The following RAPGEF5 variants were observed in gnomAD, a reference collection of about 807,000 sequenced individuals.
RAPGEF5 encodes Rap guanine nucleotide exchange factor 5, also known as M-Ras-regulated GEF.
RAPGEF5 carries 65 observed loss-of-function variants against 125.2 expected under a neutral mutation model. The ratio of observed to expected loss-of-function variants is 0.52; its 90% CI spans 0.43 to 0.64. RAPGEF5 has a LOEUF of 0.64. RAPGEF5 is among the 30% of genes least tolerant of loss of function. RAPGEF5 has a pLI of 0.00. For synonymous variants in RAPGEF5, 391 were observed against 385.9 expected (o/e 1.01, Z -0.16); for missense variants, 958 against 1,048.1 (o/e 0.91, Z 1.19).
chr7:22,278,621 T>C (rs1039040315), intron 6 of RAPGEF5, among the ~76,000 whole-genome samples: 8 of 151,784 alleles, frequency 5.3e-5, no homozygotes, highest in African/African-American at 1.9e-4. Flanking sequence ...ATTTACCATA[T>C]TATTTTATCT....
At chr7:22,192,833 G>A (rs1330841129) in intron 11 of RAPGEF5, 1 of 157,640 alleles carries the variant, frequency 6.3e-6, no homozygotes, top group Admixed American at 6.1e-5. Context: ...GCTCTGAAAA[G>A]CTGTGAGTAT....
intron 14 of RAPGEF5, among the ~76,000 whole-genome samples, 173 bp from the exon 15 acceptor site, chr7:22,158,058 A>G (rs1370450788): frequency 6.6e-6 from 1 of 152,226 alleles, no homozygotes. Context: ...TGGGCTCTGA[A>G]TTTCAAATGA....
At chr7:22,231,544 TA>T in intron 7 of RAPGEF5, among the ~76,000 whole-genome samples, 1 of 152,150 alleles carries the variant, frequency 6.6e-6, no homozygotes. Flanking sequence ...TCAAAAAATA[TA>T]AAAACAAGTG....
At chr7:22,144,749 C>T (rs1402766785) in intron 20 of RAPGEF5, among the ~76,000 whole-genome samples, 1 of 152,172 alleles carries the variant, frequency 6.6e-6, no homozygotes, top group Non-Finnish European at 1.5e-5. Context: ...GTAGCTCACC[C>T]AGACACACTG....
chr7:22,160,415 C>T, intron 14 of RAPGEF5, 103 bp downstream of exon 14: 1 of 1,115,238 alleles, frequency 9.0e-7, no homozygotes, highest in Non-Finnish European at 1.3e-6. Flanking sequence ...GAATCTGAGT[C>T]AAAATGTTCA....
In RAPGEF5 at chr7:22,308,500, C is replaced by T. The variant is rs111265651; in HGVS notation, c.519G>A (p.Gln173=). ...CATAAGTATCTTGAAAGTATAGATG[C>T]TGGTCCACTGTTTGAAACAAAAAAT... ...LDMGIMLSVD[Q]HLYFQDTYVF... Residue 173 remains glutamine, a synonymous_variant, in exon 5 of 26, where the codon CAG becomes CAA. Transcript: ENST00000665637. The T allele has an allele frequency of 2.1e-3, 3,223 of 1,538,548 alleles. 53 individuals are homozygous for T. The African/African-American group carries it at 0.037, about 18-fold the overall frequency.
intron 9 of RAPGEF5, among the ~76,000 whole-genome samples, chr7:22,217,582 G>C (rs747168790): frequency 1.3e-5 from 2 of 152,154 alleles, no homozygotes; most frequent in Non-Finnish European, 2.9e-5. Flanking sequence ...TCAGCCTTGA[G>C]AGTTGAAAGA....
At chr7:22,276,302 T>C (rs1323764145) in intron 6 of RAPGEF5, among the ~76,000 whole-genome samples, 1 of 152,230 alleles carries the variant, frequency 6.6e-6, no homozygotes, top group East Asian at 1.9e-4. Context: ...ATAGTTTATT[T>C]AACAAAGCAT....
chr7:22,316,480 TATA>T (rs1416553482), intron 2 of RAPGEF5, among the ~76,000 whole-genome samples: 18 of 50,242 alleles, frequency 3.6e-4, no homozygotes, highest in South Asian at 1.5e-3. Flanking sequence ...TATATATATA[TATA>T]TATATATTTT....
At position 22,308,480 on chromosome 7, in the gene RAPGEF5, G is replaced by A. The variant is rs1783395475; in HGVS notation, c.539C>T (p.Thr180Ile). ...AGAGGAAAACTGGTAGAAAACATAA[G>A]TATCTTGAAAGTATAGATGCTGGTC... The part of the protein sequence containing the change: ...SVDQHLYFQD[T>I]YVFYQFSSDE... Residue 180 changes from threonine (T) to isoleucine (I), a missense_variant, in exon 5 of 26, where the codon ACT (threonine) becomes ATT (isoleucine). By Grantham distance (89) the Thr-to-Ile change is moderately conservative. Transcript: ENST00000665637. 1.9e-6 allele frequency: 3 copies of A among 1,563,206 alleles called. No individual in the cohort carries two copies. The highest frequency in any genetic ancestry group is 1.2e-5 in the South Asian group (1 of 84,412).
intron 9 of RAPGEF5, among the ~76,000 whole-genome samples, chr7:22,199,324 C>G (rs185073136): frequency 6.6e-6 from 1 of 152,092 alleles, no homozygotes; most frequent in Non-Finnish European, 1.5e-5. Context: ...CTAAACACGG[C>G]AGGGACCGGC....
chr7:22,315,547 CTATATATATA>C (rs5882843), intron 2 of RAPGEF5, 71 bp from the exon 3 acceptor site: 11 of 413,644 alleles, frequency 2.7e-5, no homozygotes, highest in Non-Finnish European at 3.6e-5. Flanking sequence ...CAATAGCATA[CTATATATATA>C]TATATATATA....
intron 7 of RAPGEF5, among the ~76,000 whole-genome samples, chr7:22,254,737 T>A (rs1894766): frequency 0.38 from 58,003 of 151,214 alleles, 11,948 homozygotes; most frequent in East Asian, 0.72. Context: ...AAGGGGGAGA[T>A]GGGATGGTTT....
chr7:22,280,284 C>T (rs944839781), intron 6 of RAPGEF5, among the ~76,000 whole-genome samples: 2 of 152,144 alleles, frequency 1.3e-5, no homozygotes, highest in Non-Finnish European at 2.9e-5. Context: ...CTTGATATGG[C>T]GTCACTTCTC....
intron 6 of RAPGEF5, among the ~76,000 whole-genome samples, chr7:22,274,102 C>T (rs1480086516): frequency 6.6e-6 from 1 of 152,182 alleles, no homozygotes; most frequent in Non-Finnish European, 1.5e-5. Context: ...GCTACTGCTT[C>T]TCTTCTCCAA....
chr7:22,138,605 C>G (rs186672904), intron 21 of RAPGEF5, among the ~76,000 whole-genome samples: 3 of 152,138 alleles, frequency 2.0e-5, no homozygotes, highest in Non-Finnish European at 2.9e-5. Flanking sequence ...GCTTCTCATT[C>G]GAGTTTTCTC....
At chr7:22,286,305 C>T (rs1782795263) in intron 6 of RAPGEF5, among the ~76,000 whole-genome samples, 2 of 152,182 alleles carry the variant, frequency 1.3e-5, no homozygotes, top group African/African-American at 4.8e-5. Context: ...TTATAAGGAC[C>T]TCCCACATAC....
intron 8 of RAPGEF5, among the ~76,000 whole-genome samples, chr7:22,230,133 G>A (rs1786022370): frequency 2.0e-5 from 3 of 152,200 alleles, no homozygotes; most frequent in Admixed American, 2.0e-4. Flanking sequence ...GGAGAAAGTG[G>A]TAAATACACT....
In RAPGEF5 at chr7:22,315,356, G is replaced by C. The variant is rs1783566119; in HGVS notation, c.389+14C>G. ...AAAGAGAATTTCTGACAAGGTGTTA[G>C]AAAACTGTGTTACCTGTAAAACCCC... is the stretch of plus-strand genomic sequence containing the variant. On this transcript the variant is annotated intron_variant, in intron 3 of 25. Coordinates refer to ENST00000665637, the MANE Select transcript of RAPGEF5 (RefSeq NM_012294.5). 2 of 1,536,186 alleles carry C rather than the reference G, an allele frequency of 1.3e-6. No individual in the cohort carries two copies. Among genetic ancestry groups the C allele is most frequent in the East Asian group, 5.1e-5 (2 of 39,384 alleles).
Sources: gnomAD v4.1 joint callset for allele counts (sites outside exome capture counted in the v4.1 genomes callset) on GRCh38, gnomAD v4.1.1 for gene constraint, MANE v1.5 for transcripts, NCBI Gene and HGNC (gene_info 2026-07-23, HGNC 2026-07-21) for gene names.